Variants in PITPNM2 observed in about 807,000 individuals in gnomAD.
PITPNM2 encodes membrane-associated phosphatidylinositol transfer protein 2.
PITPNM2 carries 35 observed loss-of-function variants against 132.2 expected under a neutral mutation model. The ratio of observed to expected loss-of-function variants is 0.26; its 90% CI spans 0.20 to 0.35. PITPNM2 has a LOEUF of 0.35. Ranked by LOEUF, PITPNM2 falls within the 10% of genes least tolerant of loss-of-function variation. PITPNM2 has a pLI of 1.00. For missense variants in PITPNM2, 1,332 were observed against 1,912.0 expected (o/e 0.70, Z 5.66); for synonymous variants, 738 against 799.2 (o/e 0.92, Z 1.29).
chr12:123,069,454 C>T (rs1226006149), intron 2 of PITPNM2, among the ~76,000 whole-genome samples: 1 of 152,098 alleles, frequency 6.6e-6, no homozygotes, highest in East Asian at 1.9e-4. Flanking sequence ...ACAGGGATTG[C>T]TGCAGGCCAC....
chr12:123,036,822 T>A lies in PITPNM2; in HGVS notation c.-95-2137A>T, dbSNP rs2040283057. ...CTTGGGGTGGCCCCAGGCCCTGCTA[T>A]ATCCATAAGGACTCTTGCTAGGAGG... On this transcript the variant is annotated intron_variant, in intron 2 of 25. Coordinates refer to ENST00000320201, the MANE Select transcript of PITPNM2 (RefSeq NM_020845.3). The surrounding 1 kb of genome is among the most constrained non-coding windows in gnomAD (Gnocchi z 4.1). Among the ~76,000 whole-genome samples the A allele has an allele frequency of 6.6e-6, 1 of 152,156 alleles. No homozygotes were observed. Among genetic ancestry groups the A allele is most frequent in the Non-Finnish European group, 1.5e-5 (1 of 68,022 alleles).
chr12:123,124,236 G>A (rs1429372076), intron 1 of PITPNM2, among the ~76,000 whole-genome samples: 3 of 152,052 alleles, frequency 2.0e-5, no homozygotes, highest in East Asian at 3.9e-4. Context: ...CAGCCTGGGC[G>A]ACAGAGTGAG....
chr12:123,030,051 G>A (rs1017682281), intron 3 of PITPNM2, among the ~76,000 whole-genome samples: 1 of 125,014 alleles, frequency 8.0e-6, no homozygotes, highest in East Asian at 3.3e-4. Flanking sequence ...AGGAAACTGC[G>A]AGGATTCAGG....
At position 123,114,033 on chromosome 12, in the gene PITPNM2, C is replaced by G. The variant is rs368136578; in HGVS notation, c.-199-3545G>C. ...TAGCATTTGTGTCGGTATTTCATTTCTTGTTATGATGGAGTAATATTCCAT... is the reference window on the plus strand; with the variant it reads ...TAGCATTTGTGTCGGTATTTCATTTGTTGTTATGATGGAGTAATATTCCAT... On this transcript the variant is annotated intron_variant, in intron 1 of 25. Coordinates refer to ENST00000320201, the MANE Select transcript of PITPNM2 (RefSeq NM_020845.3). 2.4e-4 allele frequency among the ~76,000 whole-genome samples: 37 copies of G among 152,278 alleles called. No individual in the cohort carries two copies. The East Asian group carries it at 4.6e-3, about 19-fold the overall frequency.
intron 3 of PITPNM2, among the ~76,000 whole-genome samples, chr12:123,024,186 C>T (rs900824452): frequency 5.9e-5 from 9 of 152,216 alleles, no homozygotes; most frequent in Non-Finnish European, 1.3e-4. Flanking sequence ...AGATGCTCAA[C>T]ATCATTTGTC....
chr12:123,094,450 AG>A (rs895274401), intron 2 of PITPNM2, among the ~76,000 whole-genome samples: 33 of 152,338 alleles, frequency 2.2e-4, no homozygotes, highest in African/African-American at 7.9e-4. Flanking sequence ...GCTTCCTGCC[AG>A]GCTTGTCCTC....
rs1278840139 is a variant in PITPNM2 at position 122,996,317 on chromosome 12, A to G, written c.1782+141T>C. ...AGCTTAACTGGGTAGAGTCCAAGCCAGATGGACTCAGGAAGTGCTGCCAGC... is the reference window on the plus strand; with the variant it reads ...AGCTTAACTGGGTAGAGTCCAAGCCGGATGGACTCAGGAAGTGCTGCCAGC... On this transcript the variant is annotated intron_variant, in intron 13 of 25. Transcript: ENST00000320201. The G allele has an allele frequency of 6.8e-6, 8 of 1,182,218 alleles. No homozygotes were observed. The East Asian group carries it at 1.8e-4, about 26-fold the overall frequency. 73.2% of individuals were successfully genotyped at this position (1,182,218 alleles called of 1,614,324 possible). A position where few individuals can be genotyped will look rare whatever the true frequency, so the allele number is the denominator to read the frequency against.
rs983223224 is a variant in PITPNM2 at position 123,099,319 on chromosome 12, G to C, written c.-96+11066C>G. On this transcript the variant is annotated intron_variant, in intron 2 of 25. Coordinates refer to ENST00000320201, the MANE Select transcript of PITPNM2 (RefSeq NM_020845.3). This position sits in a 1 kb window ranked among gnomAD's most constrained non-coding sequence, Gnocchi z 4.2. Reference sequence around the variant, plus strand: ...TGGAGATGAGGGCAAAGGCAAGTCTGGCTCTCTGAATCTGCCTCCCTATGT... The same window carrying C: ...TGGAGATGAGGGCAAAGGCAAGTCTCGCTCTCTGAATCTGCCTCCCTATGT... Among the ~76,000 whole-genome samples the C allele has an allele frequency of 2.0e-5, 3 of 152,148 alleles. No individual in the cohort carries two copies. The highest frequency in any genetic ancestry group is 7.2e-5 in the African/African-American group (3 of 41,430).
intron 3 of PITPNM2, among the ~76,000 whole-genome samples, chr12:123,028,339 G>A (rs2039940724): frequency 6.6e-6 from 1 of 152,204 alleles, no homozygotes; most frequent in African/African-American, 2.4e-5. Flanking sequence ...CCTTCCAGCG[G>A]GGCAGCTTGC....
chr12:123,059,332 C>T (rs1261385722), intron 2 of PITPNM2, among the ~76,000 whole-genome samples: 2 of 152,186 alleles, frequency 1.3e-5, no homozygotes, highest in East Asian at 1.9e-4. Flanking sequence ...TAAAAGGTCT[C>T]GGATGTGGGG....
At chr12:123,053,142 C>T (rs1267441614) in intron 2 of PITPNM2, among the ~76,000 whole-genome samples, 1 of 152,164 alleles carries the variant, frequency 6.6e-6, no homozygotes, top group Non-Finnish European at 1.5e-5. Context: ...ACCTCAGCCT[C>T]CCAAAGTGCT....
intron 2 of PITPNM2, among the ~76,000 whole-genome samples, chr12:123,073,928 C>G (rs1440376404): frequency 6.6e-6 from 1 of 152,120 alleles, no homozygotes; most frequent in African/African-American, 2.4e-5. Context: ...GAGTGAGCAC[C>G]CCCCAGCTCT....
rs2041513453 is a variant in PITPNM2 at position 123,068,462 on chromosome 12, TAAATA to T, written c.-95-33782_-95-33778del. On this transcript the variant is annotated intron_variant, in intron 2 of 25. Transcript: ENST00000320201. ...GACTCCATCTCCAAAAAATAATAAA[TAAATA>T]AATAAATAAATAAATAAATAAATAA... is the stretch of plus-strand genomic sequence containing the variant. Among the ~76,000 whole-genome samples the T allele has an allele frequency of 1.4e-4, 4 of 28,102 alleles. No homozygotes were observed. In the Admixed American group the frequency reaches 4.4e-3, roughly 31 times the overall value. The allele number at this position is 28,102 out of a possible 152,430, so 18.4% of individuals were successfully genotyped here. A position where few individuals can be genotyped will look rare whatever the true frequency, so the allele number is the denominator to read the frequency against.
intron 2 of PITPNM2, among the ~76,000 whole-genome samples, chr12:123,039,947 C>T (rs1014156556): frequency 2.0e-5 from 3 of 152,106 alleles, no homozygotes; most frequent in Non-Finnish European, 2.9e-5. Context: ...GCCTGAGCAA[C>T]GTGGTGAAAC....
At position 122,990,672 on chromosome 12, in the gene PITPNM2, C is replaced by T; in HGVS notation, c.2442G>A (p.Glu814=). The T allele has an allele frequency of 6.2e-7, 1 of 1,611,506 alleles. No individual in the cohort carries two copies. Among genetic ancestry groups the T allele is most frequent in the Non-Finnish European group, 8.5e-7 (1 of 1,179,720 alleles). ...VLQTHNAAFQ[E]HGAPSSPGTA... ...TGCCCGGCGAGGAGGGGGCGCCATG[C>T]TCTTGGAAGGCTGCATTGTGGGTCT... The change falls in exon 17 of 26, where the codon GAG becomes GAA. Residue 814 remains glutamate, a synonymous_variant. Transcript: ENST00000320201.
chr12:123,026,512 T>C (rs896246767), intron 3 of PITPNM2, among the ~76,000 whole-genome samples: 1 of 152,232 alleles, frequency 6.6e-6, no homozygotes, highest in Admixed American at 6.5e-5. Flanking sequence ...ATAAGATACC[T>C]GGGATGCTGG....
chr12:123,102,477 A>G (rs2042585046), intron 2 of PITPNM2, among the ~76,000 whole-genome samples: 1 of 152,236 alleles, frequency 6.6e-6, no homozygotes, highest in African/African-American at 2.4e-5. Context: ...CGATGAAGTT[A>G]AAAAACTGAA....
chr12:123,112,206 A>G (rs1389042626), intron 1 of PITPNM2, among the ~76,000 whole-genome samples: 1 of 152,236 alleles, frequency 6.6e-6, no homozygotes. Flanking sequence ...GTAGGCAGCT[A>G]CTTGGGGAAC....
intron 2 of PITPNM2, among the ~76,000 whole-genome samples, chr12:123,109,381 G>A (rs2042787542): frequency 6.6e-6 from 1 of 152,210 alleles, no homozygotes; most frequent in African/African-American, 2.4e-5. Flanking sequence ...GGAGGCCAGG[G>A]GCTCCTGCTG....
Sources: allele counts gnomAD v4.1 joint callset (sites outside exome capture counted in the v4.1 genomes callset), GRCh38; gene constraint gnomAD v4.1.1; non-coding constraint Gnocchi (gnomAD v3.1); transcripts MANE v1.5; gene names NCBI Gene and HGNC (gene_info 2026-07-23, HGNC 2026-07-21).